The following PPP1R9A variants were observed in gnomAD, a reference collection of about 807,000 sequenced individuals.
The protein encoded by PPP1R9A is neurabin-1.
A neutral mutation model predicts 141.9 loss-of-function variants in PPP1R9A; 59 were observed. The observed-to-expected ratio is 0.42, with a 90% confidence interval of 0.34 to 0.52. The LOEUF is 0.52. PPP1R9A is among the 20% of genes least tolerant of loss of function. The probability of loss-of-function intolerance (pLI) is 0.10; values close to 1 mark genes in which losing one functional copy is unlikely to be tolerated. For synonymous variants in PPP1R9A, 500 were observed against 569.7 expected (o/e 0.88, Z 1.74); for missense variants, 1,444 against 1,611.9 (o/e 0.90, Z 1.78).
At chr7:95,269,632 T>C (rs1801852972) in intron 14 of PPP1R9A, 125 bp downstream of exon 14, 1 of 713,374 alleles carries the variant, frequency 1.4e-6, no homozygotes. Flanking sequence ...TTTCTTTTTA[T>C]ATTATAGAAT....
chr7:94,999,390 G>A (rs551210358), intron 2 of PPP1R9A, among the ~76,000 whole-genome samples: 1 of 152,298 alleles, frequency 6.6e-6, no homozygotes, highest in South Asian at 2.1e-4. Flanking sequence ...CTAGATGGAT[G>A]AGAGGTGGAC....
rs543877037 is a variant in PPP1R9A at position 94,938,433 on chromosome 7, A to G, written c.1395+26925A>G. Among the ~76,000 whole-genome samples, 19 of 152,056 alleles carry G rather than the reference A, an allele frequency of 1.2e-4. No homozygotes were observed. The South Asian group carries it at 3.5e-3, about 28-fold the overall frequency. On this transcript the variant is annotated intron_variant, in intron 2 of 19. Transcript: ENST00000433360. ...GTTCAATTTTTTGCCATTCAGACATACCTGATGCTTTCAGAAGGTTTTCTT... is the reference window on the plus strand; with the variant it reads ...GTTCAATTTTTTGCCATTCAGACATGCCTGATGCTTTCAGAAGGTTTTCTT...
intron 2 of PPP1R9A, among the ~76,000 whole-genome samples, chr7:95,086,761 A>C (rs2152316611): frequency 6.6e-6 from 1 of 152,206 alleles, no homozygotes; most frequent in East Asian, 1.9e-4. Flanking sequence ...TGTAGCACTC[A>C]TATTTGAAAT....
chr7:94,958,240 C>T (rs1197200007), intron 2 of PPP1R9A, among the ~76,000 whole-genome samples: 1 of 152,062 alleles, frequency 6.6e-6, no homozygotes, highest in Non-Finnish European at 1.5e-5. Flanking sequence ...GCCTAAATAT[C>T]ACTTCCTTGG....
intron 7 of PPP1R9A, among the ~76,000 whole-genome samples, chr7:95,208,169 G>A (rs1363964662): frequency 6.6e-6 from 1 of 152,056 alleles, no homozygotes; most frequent in Non-Finnish European, 1.5e-5. Context: ...ATACTTTGGG[G>A]CAAAAGAATG....
chr7:95,228,374 T>C (rs1336845626), intron 8 of PPP1R9A, among the ~76,000 whole-genome samples: 1 of 152,220 alleles, frequency 6.6e-6, no homozygotes, highest in Non-Finnish European at 1.5e-5. Context: ...CTGGAATTTG[T>C]TGTATGATAT....
At chr7:95,124,781 A>G (rs188196569) in intron 4 of PPP1R9A, among the ~76,000 whole-genome samples, 13 of 152,294 alleles carry the variant, frequency 8.5e-5, no homozygotes, top group Admixed American at 2.6e-4. Context: ...TCCTTCAAGG[A>G]ATGTTAAATG....
intron 2 of PPP1R9A, among the ~76,000 whole-genome samples, chr7:95,104,831 T>C (rs1819286009): frequency 6.6e-6 from 1 of 152,340 alleles, no homozygotes; most frequent in African/African-American, 2.4e-5. Context: ...TCTCCAGGCT[T>C]ATTGTTAGTT....
At chr7:95,040,021 T>A (rs1436756416) in intron 2 of PPP1R9A, among the ~76,000 whole-genome samples, 1 of 152,072 alleles carries the variant, frequency 6.6e-6, no homozygotes, top group Non-Finnish European at 1.5e-5. Context: ...GGAGAAGATC[T>A]TGAAATAAGA....
At chr7:95,212,746 T>C (rs1454605240) in intron 7 of PPP1R9A, among the ~76,000 whole-genome samples, 1 of 152,158 alleles carries the variant, frequency 6.6e-6, no homozygotes, top group Admixed American at 6.6e-5. Context: ...TTATTGATCC[T>C]GCTGTACCTG....
intron 2 of PPP1R9A, among the ~76,000 whole-genome samples, chr7:95,039,446 T>C (rs1350926939): frequency 2.6e-5 from 4 of 151,578 alleles, no homozygotes; most frequent in Non-Finnish European, 5.9e-5. Flanking sequence ...TAATCCCAGC[T>C]ACTCTGGAGG....
rs565331782 is a variant in PPP1R9A at position 94,970,632 on chromosome 7, C to CTT, written c.1395+59144_1395+59145dup. On this transcript the variant is annotated intron_variant, in intron 2 of 19. Transcript: ENST00000433360. Reference sequence around the variant, plus strand: ...CCTATTTGACCATCTTGCCAGCCACCTTTTTTTTTTTTTTTTTTTTTGAGA... The same window carrying CTT: ...CCTATTTGACCATCTTGCCAGCCACCTTTTTTTTTTTTTTTTTTTTTTTGAGA... Among the ~76,000 whole-genome samples, 128 of 127,698 alleles carry CTT rather than the reference C, an allele frequency of 1.0e-3. 1 individual carries two copies. The highest frequency in any genetic ancestry group is 1.9e-3 in the Admixed American group (22 of 11,860). 83.8% of individuals were successfully genotyped at this position (127,698 alleles called of 152,430 possible).
chr7:95,221,028 G>A (rs1794377985), intron 7 of PPP1R9A, among the ~76,000 whole-genome samples: 1 of 152,064 alleles, frequency 6.6e-6, no homozygotes, highest in African/African-American at 2.4e-5. Flanking sequence ...TGACCAATTT[G>A]CTTATAAAAG....
At chr7:94,908,777 G>T (rs1465728043) in intron 1 of PPP1R9A, among the ~76,000 whole-genome samples, 1 of 151,976 alleles carries the variant, frequency 6.6e-6, no homozygotes, top group Non-Finnish European at 1.5e-5. Flanking sequence ...GGAGATTGTC[G>T]ATGCTTTACA....
At chr7:95,011,459 A>G (rs1036075902) in intron 2 of PPP1R9A, among the ~76,000 whole-genome samples, 24 of 152,194 alleles carry the variant, frequency 1.6e-4, no homozygotes, top group African/African-American at 5.1e-4. Context: ...TAATGTTTCA[A>G]AAGTAATCAC....
intron 2 of PPP1R9A, among the ~76,000 whole-genome samples, chr7:95,049,130 C>T (rs74941693): frequency 0.066 from 10,098 of 152,078 alleles, 419 homozygotes; most frequent in African/African-American, 0.12. Context: ...TTGTAGCATC[C>T]CAAACCCACA....
intron 2 of PPP1R9A, among the ~76,000 whole-genome samples, chr7:94,955,640 A>G (rs1008171782): frequency 2.0e-5 from 3 of 152,096 alleles, no homozygotes; most frequent in African/African-American, 7.2e-5. Context: ...CTTGTCACAA[A>G]TTTGTTATTT....
Position 94,910,453 on chromosome 7 carries a change from G to T in PPP1R9A, c.340G>T (p.Val114Phe). ...TCTGGAAAAAACAGATGGCTCAGTT[G>T]TTAAGTTGGAGTCTTCTGTTTCTGA... Reference protein sequence around the residue: ...EFLEKTDGSVVKLESSVSERI... With the variant: ...EFLEKTDGSVFKLESSVSERI... Residue 114 changes from valine to phenylalanine, a missense_variant, in exon 2 of 20, where the codon GTT (valine) becomes TTT (phenylalanine). Around this residue, in one of 5 missense-constraint regions of PPP1R9A, gnomAD observed 490 missense variants for 521.1 expected, o/e 0.94. Transcript: ENST00000433360. This position sits in a 1 kb window ranked among gnomAD's most constrained non-coding sequence, Gnocchi z 4.5. 1 of 1,614,188 alleles carries T rather than the reference G, an allele frequency of 6.2e-7. No homozygotes were observed. The highest frequency in any genetic ancestry group is 8.5e-7 in the Non-Finnish European group (1 of 1,180,030).
chr7:95,087,420 A>G (rs1237113877), intron 2 of PPP1R9A, among the ~76,000 whole-genome samples: 2 of 151,974 alleles, frequency 1.3e-5, no homozygotes, highest in Non-Finnish European at 2.9e-5. Flanking sequence ...AATAAAGTAA[A>G]TTTTCTTCAT....
Sources: allele counts gnomAD v4.1 joint callset (sites outside exome capture counted in the v4.1 genomes callset), GRCh38; gene constraint gnomAD v4.1.1; regional missense constraint gnomAD v4.1.1; non-coding constraint Gnocchi (gnomAD v3.1); transcripts MANE v1.5; gene names NCBI Gene and HGNC (gene_info 2026-07-23, HGNC 2026-07-21).